DCC: variants seen among roughly 807,000 people sequenced by gnomAD.
The protein encoded by DCC is DCC netrin 1 receptor, also known as netrin receptor DCC.
Under a neutral mutation model 172.5 loss-of-function variants are expected in DCC, and 58 were observed. The ratio of observed to expected loss-of-function variants is 0.34; its 90% CI spans 0.27 to 0.42. The LOEUF is 0.42. Among genes scored for constraint, DCC ranks in the 10% least tolerant of loss-of-function variants. The pLI is 1.00. For synonymous variants in DCC, 709 were observed against 644.5 expected (o/e 1.10, Z -1.52); for missense variants, 1,740 against 1,791.0 (o/e 0.97, Z 0.51).
At chr18:53,334,841 G>A (rs1162535099) in intron 14 of DCC, among the ~76,000 whole-genome samples, 9 of 152,068 alleles carry the variant, frequency 5.9e-5, no homozygotes, top group Admixed American at 5.2e-4. Context: ...ATACATTGGT[G>A]GAAACTTTGA....
intron 27 of DCC, among the ~76,000 whole-genome samples, chr18:53,516,572 A>G (rs1442031031): frequency 2.0e-5 from 3 of 151,344 alleles, no homozygotes; most frequent in Non-Finnish European, 4.4e-5. Context: ...GCTAATATCC[A>G]GAATCTACAA....
intron 7 of DCC, among the ~76,000 whole-genome samples, chr18:53,092,913 C>T (rs193234276): frequency 4.9e-4 from 75 of 152,116 alleles, no homozygotes; most frequent in African/African-American, 1.8e-3. Flanking sequence ...ATGCTAGCAA[C>T]TGAATCACAA....
intron 1 of DCC, among the ~76,000 whole-genome samples, chr18:52,447,748 C>T (rs1988169549): frequency 6.6e-6 from 1 of 152,064 alleles, no homozygotes; most frequent in Non-Finnish European, 1.5e-5. Context: ...AGGCACCTCA[C>T]ACAACCAGAG....
intron 1 of DCC, among the ~76,000 whole-genome samples, chr18:52,347,506 T>C (rs1983930960): frequency 1.3e-5 from 2 of 152,170 alleles, no homozygotes; most frequent in African/African-American, 4.8e-5. Flanking sequence ...CTGTTACTAT[T>C]GTTGAGTTTT....
rs555531784 is a variant in DCC at position 52,830,803 on chromosome 18, T to C, written c.413-75241T>C. On this transcript the variant is annotated intron_variant, in intron 2 of 28. Transcript: ENST00000442544. ...TCCATTTCCATTAAATGTAGGTTTA[T>C]CAAACCCCTACTTTATATCAGGCAC... Among the ~76,000 whole-genome samples, 4 of 152,272 alleles carry C rather than the reference T, an allele frequency of 2.6e-5. No individual in the cohort carries two copies. The East Asian group carries it at 7.7e-4, about 29-fold the overall frequency.
intron 12 of DCC, among the ~76,000 whole-genome samples, chr18:53,270,146 A>G (rs2056731942): frequency 6.6e-6 from 1 of 152,130 alleles, no homozygotes; most frequent in South Asian, 2.1e-4. Flanking sequence ...AGAGGTAGGA[A>G]CAAAATTCTG....
intron 1 of DCC, among the ~76,000 whole-genome samples, chr18:52,709,464 A>G (rs927936535): frequency 6.6e-6 from 1 of 152,160 alleles, no homozygotes; most frequent in Non-Finnish European, 1.5e-5. Flanking sequence ...CTCTAAATCT[A>G]TAGGGTACAG....
chr18:52,765,425 G>A (rs551518471), intron 2 of DCC, among the ~76,000 whole-genome samples: 8 of 152,070 alleles, frequency 5.3e-5, no homozygotes, highest in African/African-American at 1.7e-4. Flanking sequence ...CTGGTGCCAC[G>A]GCTTTGCACC....
chr18:52,533,150 A>G (rs1331816272), intron 1 of DCC, among the ~76,000 whole-genome samples: 2 of 152,082 alleles, frequency 1.3e-5, no homozygotes, highest in African/African-American at 2.4e-5. Context: ...GTTTCCCCCA[A>G]TGGTATCATC....
chr18:52,699,035 G>A (rs2036061074), intron 1 of DCC, among the ~76,000 whole-genome samples: 1 of 152,184 alleles, frequency 6.6e-6, no homozygotes, highest in African/African-American at 2.4e-5. Context: ...AAACAAATGT[G>A]CTTGGGTAAA....
chr18:53,065,415 A>T (rs1193323123), intron 6 of DCC, among the ~76,000 whole-genome samples: 1 of 152,180 alleles, frequency 6.6e-6, no homozygotes, highest in Non-Finnish European at 1.5e-5. Context: ...AAAAGGAGTT[A>T]ATGTTGCTGT....
chr18:53,509,373 G>A (rs2046222977), intron 27 of DCC, among the ~76,000 whole-genome samples: 3 of 152,216 alleles, frequency 2.0e-5, no homozygotes, highest in African/African-American at 7.2e-5. Flanking sequence ...AGCTCAGCAT[G>A]GACATGGCTA....
chr18:53,154,369 CTTG>C (rs2054693842), intron 7 of DCC, among the ~76,000 whole-genome samples: 1 of 152,130 alleles, frequency 6.6e-6, no homozygotes, highest in Admixed American at 6.5e-5. Flanking sequence ...CTTCTGAAGC[CTTG>C]TTTACGGAGA....
At chr18:52,891,855 C>T (rs944959625) in intron 2 of DCC, among the ~76,000 whole-genome samples, 1 of 152,066 alleles carries the variant, frequency 6.6e-6, no homozygotes, top group African/African-American at 2.4e-5. Context: ...TTAAGTTTCT[C>T]TCTGAGATTC....
chr18:53,215,443 T>C, intron 11 of DCC, 105 bp from the exon 12 acceptor site: 1 of 954,668 alleles, frequency 1.0e-6, no homozygotes, highest in Non-Finnish European at 1.7e-6. Flanking sequence ...CTAATTATCA[T>C]TATAAACTAT....
intron 1 of DCC, among the ~76,000 whole-genome samples, chr18:52,650,414 G>T (rs1362486904): frequency 6.6e-6 from 1 of 152,164 alleles, no homozygotes; most frequent in Non-Finnish European, 1.5e-5. Context: ...TTATTTGGGT[G>T]ATGGTTACAC....
intron 1 of DCC, among the ~76,000 whole-genome samples, chr18:52,413,972 A>G (rs934122704): frequency 9.9e-5 from 15 of 152,164 alleles, no homozygotes; most frequent in African/African-American, 3.1e-4. Flanking sequence ...ATGCTTAAAA[A>G]TAGCTATTTG....
At chr18:52,829,923 T>C (rs1003538343) in intron 2 of DCC, among the ~76,000 whole-genome samples, 2 of 152,104 alleles carry the variant, frequency 1.3e-5, no homozygotes, top group Non-Finnish European at 2.9e-5. Flanking sequence ...AATTTCACTT[T>C]AAATATTGTG....
chr18:53,478,788 G>GAGA (rs1179785463), intron 25 of DCC, among the ~76,000 whole-genome samples: 1 of 152,164 alleles, frequency 6.6e-6, no homozygotes, highest in African/African-American at 2.4e-5. Flanking sequence ...AGAAGCTGTT[G>GAGA]AGAAGTGAAA....
Sources: gnomAD v4.1 joint callset for allele counts (sites outside exome capture counted in the v4.1 genomes callset) on GRCh38, gnomAD v4.1.1 for gene constraint, MANE v1.5 for transcripts, NCBI Gene and HGNC (gene_info 2026-07-23, HGNC 2026-07-21) for gene names.